GRIK2: variants seen among roughly 807,000 people sequenced by gnomAD.
GRIK2 encodes glutamate receptor ionotropic, kainate 2.
GRIK2 carries 32 observed loss-of-function variants against 100.3 expected under a neutral mutation model. The ratio of observed to expected loss-of-function variants is 0.32; its 90% confidence interval spans 0.24 to 0.43. GRIK2 has a LOEUF of 0.43. Ranked by LOEUF, GRIK2 falls within the 20% of genes least tolerant of loss-of-function variation. The pLI, the probability that GRIK2 is intolerant of heterozygous loss-of-function variation, is 1.00. For synonymous variants in GRIK2, 417 were observed against 389.4 expected (o/e 1.07, Z -0.83); for missense variants, 843 against 1,114.9 (o/e 0.76, Z 3.47).
In GRIK2 at chr6:101,399,320, C is replaced by T. The variant is rs767516446; in HGVS notation, c.43C>T (p.Arg15Cys). ...FPILSNPVFR[R>C]TVKLLLCLLW... ...GATTCTAAGTAATCCAGTCTTCAGG[C>T]GCACCGTTAAACTCCTGCTCTGTTT... The change falls in exon 2 of 17, where the codon CGC becomes TGC. Residue 15 changes from arginine to cysteine, a missense_variant. By Grantham distance (180) the Arg-to-Cys change is radical. Around this residue, in one of 3 missense-constraint regions of GRIK2, gnomAD observed 519 missense variants for 643.8 expected, o/e 0.81. Coordinates refer to ENST00000369134, the MANE Select transcript of GRIK2 (RefSeq NM_021956.5). 7 of 1,594,930 alleles carry T rather than the reference C, an allele frequency of 4.4e-6. No homozygotes were observed. In the African/African-American group the frequency reaches 5.4e-5, roughly 12 times the overall value.
intron 2 of GRIK2, among the ~76,000 whole-genome samples, chr6:101,411,684 CAGTT>C (rs1456000791): frequency 6.6e-6 from 1 of 151,992 alleles, no homozygotes; most frequent in Non-Finnish European, 1.5e-5. Context: ...TTGTAGATAA[CAGTT>C]GGGGCTTAGA....
At chr6:101,415,456 T>C (rs1458742621) in intron 2 of GRIK2, among the ~76,000 whole-genome samples, 1 of 148,894 alleles carries the variant, frequency 6.7e-6, no homozygotes, top group Non-Finnish European at 1.5e-5. Context: ...CTGCAAGCTC[T>C]GCCCCCTGGG....
chr6:101,916,011 C>T (rs1789081619), intron 12 of GRIK2, among the ~76,000 whole-genome samples: 1 of 151,196 alleles, frequency 6.6e-6, no homozygotes, highest in Non-Finnish European at 1.5e-5. Context: ...CTTTTTCTAA[C>T]AGTGTAAAAA....
At chr6:101,790,308 G>A (rs1383054883) in intron 7 of GRIK2, among the ~76,000 whole-genome samples, 2 of 152,002 alleles carry the variant, frequency 1.3e-5, no homozygotes, top group Non-Finnish European at 1.5e-5. Context: ...AATGCTTCCA[G>A]TTTTTGCCCA....
intron 11 of GRIK2, among the ~76,000 whole-genome samples, chr6:101,888,544 T>TTCTCTAGCCCC (rs1786819318): frequency 6.6e-6 from 1 of 152,162 alleles, no homozygotes; most frequent in South Asian, 2.1e-4. Context: ...AGAAATATCT[T>TTCTCTAGCCCC]TCTCCGTAGC....
chr6:101,400,242 A>G (rs1038104243), intron 2 of GRIK2, among the ~76,000 whole-genome samples: 3 of 152,160 alleles, frequency 2.0e-5, no homozygotes, highest in African/African-American at 7.2e-5. Flanking sequence ...ATGGAAATGT[A>G]TTGCTTTTCT....
At chr6:101,691,693 G>A (rs1323107846) in intron 7 of GRIK2, among the ~76,000 whole-genome samples, 1 of 152,098 alleles carries the variant, frequency 6.6e-6, no homozygotes, top group Non-Finnish European at 1.5e-5. Context: ...ATGTTTATGA[G>A]AGGTGAGTCT....
Position 101,491,274 on chromosome 6 carries a change from G to GAAA in GRIK2, c.115+91894_115+91896dup, listed in dbSNP as rs11392415. On this transcript the variant is annotated intron_variant, in intron 2 of 16. Transcript: ENST00000369134. Reference sequence around the variant, plus strand: ...TTGTTTCTGGATTAGGAGAAAAAAAGAAAAAAAAAAAAAACCCAACCAAAC... The same window carrying GAAA: ...TTGTTTCTGGATTAGGAGAAAAAAAGAAAAAAAAAAAAAAAAACCCAACCAAAC... 1.3e-3 allele frequency among the ~76,000 whole-genome samples: 178 copies of GAAA among 140,018 alleles called. 2 individuals are homozygous for GAAA. Among genetic ancestry groups the GAAA allele is most frequent in the Middle Eastern group, 3.7e-3 (1 of 270 alleles). The allele number at this position is 140,018 out of a possible 152,430, so 91.9% of individuals were successfully genotyped here.
intron 9 of GRIK2, among the ~76,000 whole-genome samples, chr6:101,816,057 T>A (rs1781611502): frequency 6.6e-6 from 1 of 152,154 alleles, no homozygotes; most frequent in Non-Finnish European, 1.5e-5. Flanking sequence ...ATTATTTTTA[T>A]AAAAGTAATA....
At chr6:101,884,183 G>A (rs1258458059) in intron 11 of GRIK2, among the ~76,000 whole-genome samples, 1 of 151,980 alleles carries the variant, frequency 6.6e-6, no homozygotes, top group Non-Finnish European at 1.5e-5. Flanking sequence ...AGGAATGCGT[G>A]GTATTACTTA....
At chr6:101,776,356 A>G (rs1294417125) in intron 7 of GRIK2, among the ~76,000 whole-genome samples, 2 of 152,200 alleles carry the variant, frequency 1.3e-5, no homozygotes, top group Non-Finnish European at 2.9e-5. Context: ...CATTATAAAG[A>G]ATTATGGAGA....
intron 2 of GRIK2, among the ~76,000 whole-genome samples, chr6:101,539,245 A>C (rs1370596632): frequency 6.6e-6 from 1 of 151,782 alleles, no homozygotes; most frequent in Non-Finnish European, 1.5e-5. Context: ...TTGAAAACTT[A>C]TAACTACCAG....
At chr6:101,394,664 A>G (rs1297987031) in intron 1 of GRIK2, among the ~76,000 whole-genome samples, 3 of 152,228 alleles carry the variant, frequency 2.0e-5, no homozygotes, top group Non-Finnish European at 4.4e-5. Flanking sequence ...TGATTGGTTC[A>G]TTTGAGTCTT....
intron 3 of GRIK2, 56 bp from the exon 4 acceptor site, chr6:101,626,324 G>A: frequency 1.4e-6 from 2 of 1,481,216 alleles, no homozygotes; most frequent in Admixed American, 1.9e-5. Flanking sequence ...TGTGGTATCT[G>A]TTGGCACACT....
chr6:101,537,420 GTGTGTGTT>G (rs1775754415), intron 2 of GRIK2, among the ~76,000 whole-genome samples: 1 of 117,690 alleles, frequency 8.5e-6, no homozygotes, highest in African/African-American at 3.9e-5. Context: ...AGTAGAATGT[GTGTGTGTT>G]TGTGTGTGTG....
At chr6:101,498,987 T>C (rs929811956) in intron 2 of GRIK2, among the ~76,000 whole-genome samples, 1 of 151,988 alleles carries the variant, frequency 6.6e-6, no homozygotes, top group Non-Finnish European at 1.5e-5. Context: ...TCTTCTAGGG[T>C]TTTTATGGTT....
intron 14 of GRIK2, among the ~76,000 whole-genome samples, chr6:102,029,132 GTC>G (rs1489859749): frequency 6.6e-6 from 1 of 151,014 alleles, no homozygotes; most frequent in African/African-American, 2.4e-5. Flanking sequence ...CTGGTGTTCT[GTC>G]TCAGTCTTCA....
chr6:101,862,183 CAA>C (rs1784770090), intron 11 of GRIK2, among the ~76,000 whole-genome samples: 1 of 151,954 alleles, frequency 6.6e-6, no homozygotes, highest in South Asian at 2.1e-4. Flanking sequence ...GGGAGGGAAA[CAA>C]GAACACTTGT....
chr6:101,558,487 C>T (rs1776849677), intron 2 of GRIK2, among the ~76,000 whole-genome samples: 1 of 151,996 alleles, frequency 6.6e-6, no homozygotes, highest in South Asian at 2.1e-4. Flanking sequence ...TATTAAGTTC[C>T]CTTGTACTAT....
Sources: allele counts gnomAD v4.1 joint callset (sites outside exome capture counted in the v4.1 genomes callset), GRCh38; gene constraint gnomAD v4.1.1; regional missense constraint gnomAD v4.1.1; transcripts MANE v1.5; gene names NCBI Gene and HGNC (gene_info 2026-07-23, HGNC 2026-07-21).